ARHGEF4: variants seen among roughly 807,000 people sequenced by gnomAD.
ARHGEF4 encodes the protein Rho guanine nucleotide exchange factor 4, also known as APC-stimulated guanine nucleotide exchange factor 1.
In ARHGEF4, 119 loss-of-function variants were observed where a neutral mutation model predicts 162.0. The ratio of observed to expected loss-of-function variants is 0.73; its 90% confidence interval spans 0.63 to 0.86. The LOEUF (loss-of-function observed/expected upper bound fraction) is 0.86, where lower values mean the gene tolerates loss of function less well. ARHGEF4 is among the 40% of genes least tolerant of loss of function. The pLI is 0.00. For missense variants in ARHGEF4, 2,488 were observed against 2,456.0 expected (o/e 1.01, Z -0.28); for synonymous variants, 1,014 against 979.9 (o/e 1.03, Z -0.65).
chr2:130,978,901 A>G (rs530282707), intron 4 of ARHGEF4, among the ~76,000 whole-genome samples: 109 of 152,312 alleles, frequency 7.2e-4, no homozygotes, highest in African/African-American at 2.5e-3. Context: ...TTGGGTTAGC[A>G]ATCTTCAGGA....
chr2:130,922,664 T>A (rs1029231727), intron 2 of ARHGEF4, among the ~76,000 whole-genome samples: 1 of 152,208 alleles, frequency 6.6e-6, no homozygotes, highest in Non-Finnish European at 1.5e-5. Flanking sequence ...AGCAAGTGGC[T>A]CCAAGAGGTA....
intron 4 of ARHGEF4, among the ~76,000 whole-genome samples, chr2:131,004,379 A>G (rs968980084): frequency 6.6e-6 from 1 of 152,142 alleles, no homozygotes; most frequent in Non-Finnish European, 1.5e-5. Context: ...GTTAGCCAGG[A>G]TGGTCTCAAT....
At chr2:130,895,216 G>A (rs566204698) in intron 1 of ARHGEF4, among the ~76,000 whole-genome samples, 3 of 152,240 alleles carry the variant, frequency 2.0e-5, no homozygotes, top group Admixed American at 6.5e-5. Context: ...CTGCTTTCAC[G>A]TAGCACCATG....
intron 1 of ARHGEF4, among the ~76,000 whole-genome samples, chr2:130,871,278 G>A (rs1394927138): frequency 6.6e-6 from 1 of 152,164 alleles, no homozygotes; most frequent in African/African-American, 2.4e-5. Context: ...GCTCACACCT[G>A]TAATCCCAGC....
In ARHGEF4 at chr2:131,046,014, C is replaced by A. The variant is rs779184117; in HGVS notation, c.5480-24C>A. The A allele has an allele frequency of 7.5e-6, 12 of 1,599,710 alleles. No homozygotes were observed. The Admixed American group carries it at 1.8e-4, about 25-fold the overall frequency. ...GCACTCTGCCCTGGGCACCCATGAC[C>A]CTCTGCTGTCTCTCCCTGTTCAGCT... On this transcript the variant is annotated intron_variant, in intron 13 of 13. Coordinates refer to ENST00000409359, the MANE Select transcript of ARHGEF4 (RefSeq NM_001367493.1).
chr2:130,984,926 T>C (rs943441127), intron 4 of ARHGEF4, among the ~76,000 whole-genome samples: 14 of 151,940 alleles, frequency 9.2e-5, no homozygotes, highest in Admixed American at 3.9e-4. Context: ...GTCTGGTACC[T>C]ACAAAAGACA....
intron 4 of ARHGEF4, among the ~76,000 whole-genome samples, chr2:130,992,325 C>T (rs187399236): frequency 4.0e-5 from 6 of 151,692 alleles, no homozygotes; most frequent in Admixed American, 6.6e-5. Context: ...TATTCTTTCG[C>T]TCTTTGCAAT....
At position 131,039,362 on chromosome 2, in the gene ARHGEF4, T is replaced by A. The variant is rs528939052; in HGVS notation, c.4305+330T>A. 52 of 1,112,104 alleles carry A rather than the reference T, an allele frequency of 4.7e-5. No individual in the cohort carries two copies. The Admixed American group carries it at 2.0e-3, about 43-fold the overall frequency. 68.9% of individuals were successfully genotyped at this position (1,112,104 alleles called of 1,614,324 possible). A position where few individuals can be genotyped will look rare whatever the true frequency, so the allele number is the denominator to read the frequency against. On this transcript the variant is annotated intron_variant, in intron 6 of 13. Transcript: ENST00000409359. The stretch of plus-strand genomic sequence containing the variant: ...GAGCACTGATAGGGGACTGCTCACC[T>A]CACACACAGCCCCGGGAGTGGGAAC...
intron 4 of ARHGEF4, among the ~76,000 whole-genome samples, chr2:131,025,174 G>A (rs1187398648): frequency 6.6e-6 from 1 of 152,210 alleles, no homozygotes; most frequent in Non-Finnish European, 1.5e-5. Flanking sequence ...AGGAAACTTA[G>A]ATCACAGCGG....
intron 1 of ARHGEF4, among the ~76,000 whole-genome samples, chr2:130,872,511 C>T (rs562101976): frequency 8.5e-5 from 13 of 152,264 alleles, no homozygotes; most frequent in Middle Eastern, 3.4e-3. Flanking sequence ...AGCCCTCCTC[C>T]GCACCTCCTC....
chr2:130,964,190 G>C (rs1378522695), intron 4 of ARHGEF4: 1 of 985,180 alleles, frequency 1.0e-6, no homozygotes. Flanking sequence ...GGCAACGGGG[G>C]CATGCGCGGC....
intron 2 of ARHGEF4, among the ~76,000 whole-genome samples, chr2:130,921,881 G>A (rs1681895470): frequency 6.6e-6 from 1 of 151,732 alleles, no homozygotes. Context: ...TAATAGAGAT[G>A]GGGTTTCACC....
Position 131,046,471 on chromosome 2 carries a change from TG to T in ARHGEF4, c.*283del. ...CCTCTGGACCTGTGTAGGGCCTCACTGCTGGAGCGGGGAAACCGCAGCTCAG... is the reference window on the plus strand; with the variant it reads ...CCTCTGGACCTGTGTAGGGCCTCACTCTGGAGCGGGGAAACCGCAGCTCAG... On this transcript the variant is annotated 3_prime_UTR_variant, in exon 14 of 14. Transcript: ENST00000409359. 2.6e-6 allele frequency: 1 copy of T among 379,542 alleles called. No individual in the cohort carries two copies. The highest frequency in any genetic ancestry group is 4.8e-6 in the Non-Finnish European group (1 of 210,182). 23.5% of individuals were successfully genotyped at this position (379,542 alleles called of 1,614,324 possible).
intron 5 of ARHGEF4, chr2:131,034,879 C>T: frequency 1.4e-6 from 1 of 692,500 alleles, no homozygotes; most frequent in Non-Finnish European, 1.8e-6. Context: ...TCCAGCCCGC[C>T]GCCGCCGCCG....
At chr2:131,018,910 A>G (rs1247571681) in intron 4 of ARHGEF4, among the ~76,000 whole-genome samples, 1 of 152,144 alleles carries the variant, frequency 6.6e-6, no homozygotes, top group Non-Finnish European at 1.5e-5. Flanking sequence ...GGGAGGGTTT[A>G]TTTCTGGATC....
At chr2:131,025,230 G>A (rs1689402707) in intron 4 of ARHGEF4, among the ~76,000 whole-genome samples, 1 of 152,204 alleles carries the variant, frequency 6.6e-6, no homozygotes, top group African/African-American at 2.4e-5. Flanking sequence ...CAGCAGGAGA[G>A]AGAGTGAGCA....
intron 1 of ARHGEF4, among the ~76,000 whole-genome samples, chr2:130,865,610 C>T (rs1187858170): frequency 3.9e-5 from 6 of 152,208 alleles, no homozygotes; most frequent in African/African-American, 4.8e-5. Context: ...GGACCCCCTG[C>T]GGTGCTGTCG....
intron 2 of ARHGEF4, among the ~76,000 whole-genome samples, chr2:130,921,978 C>T (rs1296143573): frequency 6.6e-6 from 1 of 152,048 alleles, no homozygotes; most frequent in East Asian, 1.9e-4. Flanking sequence ...AGGCATGAGC[C>T]ACTGCACCTG....
intron 1 of ARHGEF4, among the ~76,000 whole-genome samples, chr2:130,874,551 G>A (rs1410332455): frequency 1.3e-5 from 2 of 152,188 alleles, no homozygotes; most frequent in South Asian, 2.1e-4. Context: ...GTGGGAATAC[G>A]ACTGCTTTCA....
Sources: allele counts gnomAD v4.1 joint callset (sites outside exome capture counted in the v4.1 genomes callset), GRCh38; gene constraint gnomAD v4.1.1; transcripts MANE v1.5; gene names NCBI Gene and HGNC (gene_info 2026-07-23, HGNC 2026-07-21).